ANKRD55: variants seen among roughly 807,000 people sequenced by gnomAD.
The protein encoded by ANKRD55 is ankyrin repeat domain-containing protein 55.
ANKRD55 carries 41 observed loss-of-function variants against 60.6 expected under a neutral mutation model. The ratio of observed to expected loss-of-function variants is 0.68; its 90% confidence interval spans 0.53 to 0.88. ANKRD55 has a LOEUF of 0.88. Among genes scored for constraint, ANKRD55 ranks in the 40% least tolerant of loss-of-function variants. The pLI is 0.00. For missense variants in ANKRD55, 732 were observed against 767.6 expected (o/e 0.95, Z 0.55); for synonymous variants, 264 against 290.3 (o/e 0.91, Z 0.92).
intron 2 of ANKRD55, among the ~76,000 whole-genome samples, chr5:56,200,267 A>C (rs764219797): frequency 6.6e-6 from 1 of 152,198 alleles, no homozygotes; most frequent in Non-Finnish European, 1.5e-5. Flanking sequence ...AAAAGAAAAA[A>C]GTATGTATTT....
At chr5:56,166,342 C>G (rs298653) in intron 5 of ANKRD55, among the ~76,000 whole-genome samples, 5 of 151,460 alleles carry the variant, frequency 3.3e-5, no homozygotes, top group Non-Finnish European at 7.4e-5. Flanking sequence ...ACCGCAGCCT[C>G]GAACTCCTGG....
In ANKRD55 at chr5:56,231,719, C is replaced by A. The variant is rs866204568; in HGVS notation, c.58+1137G>T. Among the ~76,000 whole-genome samples the A allele has an allele frequency of 6.0e-5, 9 of 150,890 alleles. No homozygotes were observed. The South Asian group carries it at 1.7e-3, about 28-fold the overall frequency. On this transcript the variant is annotated intron_variant, in intron 2 of 11. Transcript: ENST00000341048. ...CACATACACATACACAAACACTATT[C>A]CAAATGAGCTAAGACCTGGAGAACA...
At chr5:56,231,173 C>A (rs964270429) in intron 2 of ANKRD55, among the ~76,000 whole-genome samples, 1 of 152,030 alleles carries the variant, frequency 6.6e-6, no homozygotes, top group African/African-American at 2.4e-5. Context: ...GATAAAACCT[C>A]TAGAAAGAGA....
intron 5 of ANKRD55, among the ~76,000 whole-genome samples, 186 bp downstream of exon 5, chr5:56,170,508 T>C (rs1051827253): frequency 1.3e-5 from 2 of 151,404 alleles, no homozygotes; most frequent in Non-Finnish European, 2.9e-5. Flanking sequence ...TTTATCAAAG[T>C]AGGAGGAGAG....
At chr5:56,203,446 A>G (rs1759426176) in intron 2 of ANKRD55, among the ~76,000 whole-genome samples, 2 of 152,166 alleles carry the variant, frequency 1.3e-5, no homozygotes, top group African/African-American at 4.8e-5. Context: ...TGCTGCACCC[A>G]TTAACTTGTC....
At chr5:56,228,419 C>T (rs1760171299) in intron 2 of ANKRD55, among the ~76,000 whole-genome samples, 1 of 151,522 alleles carries the variant, frequency 6.6e-6, no homozygotes, top group South Asian at 2.1e-4. Context: ...GAGAAGGCCC[C>T]CAGCTGACTT....
chr5:56,180,779 T>C (rs1000696922), intron 3 of ANKRD55, among the ~76,000 whole-genome samples: 10 of 152,274 alleles, frequency 6.6e-5, no homozygotes, highest in African/African-American at 2.4e-4. Flanking sequence ...ATAAAATCTA[T>C]GTCTTGTACC....
chr5:56,158,656 C>A (rs376372097), intron 6 of ANKRD55, among the ~76,000 whole-genome samples: 4 of 152,074 alleles, frequency 2.6e-5, no homozygotes, highest in Non-Finnish European at 5.9e-5. Flanking sequence ...GCAGGTAACC[C>A]GGAATTATTA....
At chr5:56,231,307 T>C (rs1760245117) in intron 2 of ANKRD55, among the ~76,000 whole-genome samples, 1 of 152,116 alleles carries the variant, frequency 6.6e-6, no homozygotes, top group Non-Finnish European at 1.5e-5. Context: ...AGAAAATCAG[T>C]CTTGTAATTC....
At chr5:56,139,656 C>G (rs115427976) in intron 7 of ANKRD55, among the ~76,000 whole-genome samples, 1 of 152,144 alleles carries the variant, frequency 6.6e-6, no homozygotes, top group Non-Finnish European at 1.5e-5. Flanking sequence ...GCCAAGATTA[C>G]GTGAGCTTGA....
At chr5:56,187,526 T>C (rs1476230968) in intron 2 of ANKRD55, among the ~76,000 whole-genome samples, 1 of 152,196 alleles carries the variant, frequency 6.6e-6, no homozygotes, top group Non-Finnish European at 1.5e-5. Context: ...CGGCTTGAGC[T>C]GAGCTTTCGC....
chr5:56,206,438 C>T (rs1276408010), intron 2 of ANKRD55, among the ~76,000 whole-genome samples: 1 of 152,132 alleles, frequency 6.6e-6, no homozygotes, highest in Non-Finnish European at 1.5e-5. Flanking sequence ...AAAATATAAA[C>T]TCAAAAGTGA....
At position 56,129,645 on chromosome 5, in the gene ANKRD55, G is replaced by T. The variant is rs145804553; in HGVS notation, c.613-2539C>A. The stretch of plus-strand genomic sequence containing the variant: ...AATATCCTAACTGTAGACATTCTAG[G>T]TGACCTTCAAAGGAGTCTAGTGGGC... On this transcript the variant is annotated intron_variant, in intron 7 of 11. Transcript: ENST00000341048. 1.1e-3 allele frequency among the ~76,000 whole-genome samples: 162 copies of T among 152,294 alleles called. 2 individuals are homozygous for T. Among genetic ancestry groups the T allele is most frequent in the South Asian group, 7.7e-3 (37 of 4,820 alleles).
chr5:56,114,766 T>C (rs1217118921), intron 9 of ANKRD55, among the ~76,000 whole-genome samples: 1 of 152,230 alleles, frequency 6.6e-6, no homozygotes, highest in Admixed American at 6.5e-5. Context: ...CTGCTGCTTG[T>C]TAAGTTTTGG....
intron 5 of ANKRD55, among the ~76,000 whole-genome samples, chr5:56,166,158 T>TTTCTTCCTTTC (rs1554040812): frequency 1.4e-5 from 1 of 72,436 alleles, no homozygotes; most frequent in Non-Finnish European, 2.6e-5. Flanking sequence ...TTCTTTCTTC[T>TTTCTTCCTTTC]TTCCTTCCTT....
chr5:56,142,709 C>G (rs979596076), intron 7 of ANKRD55, among the ~76,000 whole-genome samples: 1 of 152,190 alleles, frequency 6.6e-6, no homozygotes, highest in East Asian at 1.9e-4. Flanking sequence ...ACAGTGGTGA[C>G]CCCTGACCAG....
chr5:56,121,170 A>G (rs558864031), intron 8 of ANKRD55, among the ~76,000 whole-genome samples: 1 of 152,268 alleles, frequency 6.6e-6, no homozygotes, highest in East Asian at 1.9e-4. Context: ...CTATACACCC[A>G]TTGTATAAAA....
At chr5:56,159,189 C>T (rs1326975091) in intron 6 of ANKRD55, among the ~76,000 whole-genome samples, 1 of 152,182 alleles carries the variant, frequency 6.6e-6, no homozygotes, top group African/African-American at 2.4e-5. Flanking sequence ...AGGCTGAGTG[C>T]AGTGGCTCAT....
intron 5 of ANKRD55, among the ~76,000 whole-genome samples, chr5:56,164,920 G>A (rs1255803766): frequency 3.3e-5 from 5 of 152,156 alleles, no homozygotes; most frequent in Admixed American, 3.3e-4. Context: ...CCCATTGAGC[G>A]GGTGTTTAGT....
Sources: gnomAD v4.1 joint callset for allele counts (sites outside exome capture counted in the v4.1 genomes callset) on GRCh38, gnomAD v4.1.1 for gene constraint, MANE v1.5 for transcripts, NCBI Gene and HGNC (gene_info 2026-07-23, HGNC 2026-07-21) for gene names.